The following TBC1D8B variants were observed in gnomAD, a reference collection of about 807,000 sequenced individuals.
The protein encoded by TBC1D8B is TBC1 domain family member 8B.
TBC1D8B carries 75 observed loss-of-function variants against 82.9 expected under a neutral mutation model. The ratio of observed to expected loss-of-function variants is 0.90; its 90% confidence interval spans 0.75 to 1.10. The LOEUF is 1.10. TBC1D8B is among the 50% of genes least tolerant of loss of function. The probability of loss-of-function intolerance (pLI) is 0.00; values close to 1 mark genes in which losing one functional copy is unlikely to be tolerated. For synonymous variants in TBC1D8B, 276 were observed against 276.8 expected, an observed-to-expected ratio of 1.00 and a Z score of 0.03; for missense variants, 794 against 796.9, an observed-to-expected ratio of 1.00 and a Z score of 0.04.
intron 20 of TBC1D8B, among the ~76,000 whole-genome samples, chrX:106,872,460 TATATA>T (rs1932855941): frequency 4.9e-4 from 1 of 2,043 alleles, no homozygotes; most frequent in Non-Finnish European, 7.0e-3. Context: ...AATATTTATA[TATATA>T]TATATATATA....
chrX:106,853,389 T>A (rs996876317), intron 12 of TBC1D8B, 132 bp from the exon 13 acceptor site: 1 of 577,952 alleles, frequency 1.7e-6, no homozygotes, highest in Non-Finnish European at 2.7e-6. Flanking sequence ...AAGTTCCACT[T>A]CTTCATAAGA....
chrX:106,847,906 CT>C (rs1932494109), intron 10 of TBC1D8B, among the ~76,000 whole-genome samples: 1 of 111,467 alleles, frequency 9.0e-6, no homozygotes, highest in Non-Finnish European at 1.9e-5. Context: ...GTTTTTCACT[CT>C]TCGAAATTAG....
At chrX:106,865,139 A>C (rs1380832821) in intron 14 of TBC1D8B, among the ~76,000 whole-genome samples, 2 of 111,555 alleles carry the variant, frequency 1.8e-5, no homozygotes, top group Admixed American at 1.9e-4. Flanking sequence ...GTTTTTTGGC[A>C]TAGAGAGGGA....
chrX:106,820,701 G>T, intron 2 of TBC1D8B, among the ~76,000 whole-genome samples, 176 bp from the exon 3 acceptor site: 1 of 111,377 alleles, frequency 9.0e-6, no homozygotes, highest in African/African-American at 3.2e-5. Flanking sequence ...GAGAAGTACT[G>T]TTCATGCCCA....
intron 1 of TBC1D8B, among the ~76,000 whole-genome samples, chrX:106,805,727 A>G: frequency 8.9e-6 from 1 of 112,209 alleles, no homozygotes; most frequent in East Asian, 2.8e-4. Flanking sequence ...GGTCCAGAGC[A>G]TAAGTGTGTG....
chrX:106,830,846 G>A (rs1932022340), intron 7 of TBC1D8B, among the ~76,000 whole-genome samples: 1 of 107,533 alleles, frequency 9.3e-6, no homozygotes. Flanking sequence ...CCTAATGCTA[G>A]AGGACGTGTT....
intron 10 of TBC1D8B, among the ~76,000 whole-genome samples, chrX:106,846,389 T>A (rs752260168): frequency 2.0e-4 from 21 of 102,549 alleles, no homozygotes; most frequent in African/African-American, 5.7e-4. Context: ...ATTACAGGCA[T>A]GAGCCACCGC....
intron 12 of TBC1D8B, among the ~76,000 whole-genome samples, chrX:106,851,105 C>T (rs971356662): frequency 1.8e-5 from 2 of 112,179 alleles, no homozygotes; most frequent in African/African-American, 3.2e-5. Flanking sequence ...AACTCCACTT[C>T]TTGACCGGGT....
intron 14 of TBC1D8B, among the ~76,000 whole-genome samples, chrX:106,856,935 T>G (rs2147766492): frequency 9.0e-6 from 1 of 111,520 alleles, no homozygotes; most frequent in East Asian, 2.8e-4. Context: ...GATTTGGGTA[T>G]GTTGCTTTTC....
At chrX:106,869,993 A>G (rs1157352631) in intron 19 of TBC1D8B, among the ~76,000 whole-genome samples, 3 of 112,363 alleles carry the variant, frequency 2.7e-5, no homozygotes, top group South Asian at 3.7e-4. Flanking sequence ...ATGAATAAGT[A>G]GTGTTTCAAA....
At chrX:106,821,878 G>T in intron 3 of TBC1D8B, 99 bp from the exon 4 acceptor site, 1 of 681,070 alleles carries the variant, frequency 1.5e-6, no homozygotes, top group Non-Finnish European at 2.2e-6. Flanking sequence ...GGATATGGAG[G>T]GCTGACTGTA....
At chrX:106,848,386 T>C in intron 11 of TBC1D8B, 83 bp downstream of exon 11, 1 of 609,105 alleles carries the variant, frequency 1.6e-6, no homozygotes, top group Non-Finnish European at 2.5e-6. Context: ...GTGTCTCTTG[T>C]CTAATTACTA....
chrX:106,823,313 A>G lies in TBC1D8B; in HGVS notation c.674A>G (p.Gln225Arg). ...ACAGAGAGTATTCACGTGTGTTCCC[A>G]AGGAGAGAATCACTACTTTTCAATG... ...ILTESIHVCSQGENHYFSMFL... is the reference protein window; with the variant it reads ...ILTESIHVCSRGENHYFSMFL... Residue 225 changes from glutamine to arginine, a missense_variant, in exon 5 of 21, where the codon CAA becomes CGA. Coordinates refer to ENST00000357242, the MANE Select transcript of TBC1D8B (RefSeq NM_017752.3). 1 of 1,210,429 alleles carries G rather than the reference A, an allele frequency of 8.3e-7. No homozygotes were observed. Among genetic ancestry groups the G allele is most frequent in the South Asian group, 1.8e-5 (1 of 56,942 alleles).
rs774072649 is a variant in TBC1D8B at position 106,823,822 on chromosome X, T to C, written c.827+356T>C. Among the ~76,000 whole-genome samples, 3 of 111,876 alleles carry C rather than the reference T, an allele frequency of 2.7e-5. No homozygotes were observed. The South Asian group carries it at 1.1e-3, about 42-fold the overall frequency. Reference sequence around the variant, plus strand: ...CTAGACAGTTTGGGTCTGAAATTGTTAAACATATTGTTTATTTTTTAAAAT... The same window carrying C: ...CTAGACAGTTTGGGTCTGAAATTGTCAAACATATTGTTTATTTTTTAAAAT... On this transcript the variant is annotated intron_variant, in intron 5 of 20. Coordinates refer to ENST00000357242, the MANE Select transcript of TBC1D8B (RefSeq NM_017752.3).
Position 106,840,136 on chromosome X carries a change from G to A in TBC1D8B, c.1442G>A (p.Arg481Gln), listed in dbSNP as rs767271687. Residue 481 changes from arginine to glutamine, a missense_variant, in exon 9 of 21, where the codon CGA (arginine) becomes CAA (glutamine). Coordinates refer to ENST00000357242, the MANE Select transcript of TBC1D8B (RefSeq NM_017752.3). ...AGTATGTTTCGAACCAAAAAGACTC[G>A]AGATCTTGTTGTAAGAGGGATTCCA... The part of the protein sequence containing the change: ...GVSMFRTKKT[R>Q]DLVVRGIPET... The A allele has an allele frequency of 3.3e-5, 40 of 1,208,563 alleles. No individual in the cohort carries two copies. The highest frequency in any genetic ancestry group is 3.8e-5 in the Non-Finnish European group (34 of 894,178).
intron 14 of TBC1D8B, among the ~76,000 whole-genome samples, chrX:106,859,742 A>G (rs1383041578): frequency 9.0e-6 from 1 of 111,489 alleles, no homozygotes; most frequent in Non-Finnish European, 1.9e-5. Flanking sequence ...GTTGAACCAG[A>G]GTGGTGAGAG....
chrX:106,821,916 G>T, intron 3 of TBC1D8B, 61 bp from the exon 4 acceptor site: 1 of 953,304 alleles, frequency 1.0e-6, no homozygotes, highest in Non-Finnish European at 1.5e-6. Flanking sequence ...CTGTTTGAAT[G>T]TATGAAATAT....
chrX:106,818,612 T>G (rs758423799), intron 1 of TBC1D8B, 51 bp from the exon 2 acceptor site: 1 of 933,427 alleles, frequency 1.1e-6, no homozygotes, highest in South Asian at 2.4e-5. Context: ...GATACAGATT[T>G]GATTTATCTC....
In TBC1D8B at chrX:106,869,468, T is replaced by G. The variant is rs1278645342; in HGVS notation, c.2813-17T>G. ...TGTTAAACATCTTACAGAATGCAAT[T>G]ACATCTTTTCTTATAGTTTCCAAGC... On this transcript the variant is annotated splice_polypyrimidine_tract_variant and intron_variant, in intron 18 of 20. Transcript: ENST00000357242. 3.3e-6 allele frequency: 4 copies of G among 1,199,459 alleles called. No homozygotes were observed. In the African/African-American group the frequency reaches 7.0e-5, roughly 21 times the overall value.
Sources: gnomAD v4.1 joint callset for allele counts (sites outside exome capture counted in the v4.1 genomes callset) on GRCh38, gnomAD v4.1.1 for gene constraint, MANE v1.5 for transcripts, NCBI Gene and HGNC (gene_info 2026-07-23, HGNC 2026-07-21) for gene names.